Variants in NUP210 observed in about 807,000 individuals in gnomAD.
The protein encoded by NUP210 is nucleoporin 210.
NUP210 carries 151 observed loss-of-function variants against 196.0 expected under a neutral mutation model. The observed-to-expected ratio is 0.77, with a 90% confidence interval of 0.67 to 0.88. The LOEUF is 0.88. Ranked by LOEUF, NUP210 falls within the 40% of genes least tolerant of loss-of-function variation. NUP210 has a pLI of 0.00. For missense variants in NUP210, 2,314 were observed against 2,493.7 expected (o/e 0.93, Z 1.53); for synonymous variants, 1,070 against 1,052.7 (o/e 1.02, Z -0.32).
At chr3:13,370,573 G>A (rs4684932) in intron 13 of NUP210, among the ~76,000 whole-genome samples, 88,615 of 152,042 alleles carry the variant, frequency 0.58, 27,069 homozygotes, top group African/African-American at 0.77. Context: ...GGCAGGCAGT[G>A]CAGGGGAGTG....
intron 1 of NUP210, among the ~76,000 whole-genome samples, chr3:13,401,696 G>A (rs561595325): frequency 2.8e-4 from 43 of 152,204 alleles, no homozygotes; most frequent in Admixed American, 2.4e-3. Flanking sequence ...AGTGCCCTAC[G>A]GTGTTTTTCG....
rs1439950153 is a variant in NUP210 at position 13,379,837 on chromosome 3, T to C, written c.818-116A>G. On this transcript the variant is annotated intron_variant, in intron 6 of 39. Transcript: ENST00000254508. This position sits in a 1 kb window ranked among gnomAD's most constrained non-coding sequence, Gnocchi z 4.2. ...CTCTGCACTCTGCTCTCAGTACAGC[T>C]GACGCATTTTCTTAATTGTTTTCAG... 2.5e-6 allele frequency: 2 copies of C among 791,542 alleles called. No individual in the cohort carries two copies. The highest frequency in any genetic ancestry group is 3.8e-6 in the Non-Finnish European group (2 of 525,970). 49.0% of individuals were successfully genotyped at this position (791,542 alleles called of 1,614,324 possible). A position where few individuals can be genotyped will look rare whatever the true frequency, so the allele number is the denominator to read the frequency against.
At chr3:13,353,782 CTA>C in intron 17 of NUP210, 122 bp from the exon 18 acceptor site, 1 of 1,228,706 alleles carries the variant, frequency 8.1e-7, no homozygotes, top group Non-Finnish European at 1.2e-6. Context: ...TGTGTTGAAA[CTA>C]TGTGGATTGT....
intron 1 of NUP210, among the ~76,000 whole-genome samples, chr3:13,406,371 G>C (rs1308172017): frequency 3.9e-5 from 6 of 152,214 alleles, no homozygotes; most frequent in African/African-American, 9.6e-5. Flanking sequence ...GTGAGGAACA[G>C]AGGAACCACT....
At chr3:13,343,895 T>G (rs957912003) in intron 20 of NUP210, among the ~76,000 whole-genome samples, 2 of 152,228 alleles carry the variant, frequency 1.3e-5, no homozygotes, top group African/African-American at 4.8e-5. Flanking sequence ...GCCACCCCAG[T>G]GTGAGCTATG....
rs1030191487 is a variant in NUP210 at position 13,340,618 on chromosome 3, C to T, written c.3229-320G>A. Among the ~76,000 whole-genome samples the T allele has an allele frequency of 2.0e-5, 3 of 152,172 alleles. No individual in the cohort carries two copies. The East Asian group carries it at 5.8e-4, about 29-fold the overall frequency. On this transcript the variant is annotated intron_variant, in intron 23 of 39. Transcript: ENST00000254508. This position sits in a 1 kb window ranked among gnomAD's most constrained non-coding sequence, Gnocchi z 4.0. ...CAGTTGAGCCATCCCCTTAGAGCAGCGGTTCTCAGTGTGTGGTCACTAAGC... is the reference window on the plus strand; with the variant it reads ...CAGTTGAGCCATCCCCTTAGAGCAGTGGTTCTCAGTGTGTGGTCACTAAGC...
intron 25 of NUP210, among the ~76,000 whole-genome samples, chr3:13,338,148 C>T (rs1471328939): frequency 6.6e-6 from 1 of 152,236 alleles, no homozygotes; most frequent in Admixed American, 6.5e-5. Flanking sequence ...CAACCCAGTC[C>T]CCTGAGGCTG....
chr3:13,344,792 G>A, intron 20 of NUP210: 1 of 277,964 alleles, frequency 3.6e-6, no homozygotes, highest in Non-Finnish European at 5.5e-6. Context: ...CATACAGACA[G>A]CTTGCTGCTG....
At chr3:13,338,944 G>A (rs1413486526) in intron 25 of NUP210, among the ~76,000 whole-genome samples, 7 of 151,896 alleles carry the variant, frequency 4.6e-5, no homozygotes, top group Admixed American at 1.3e-4. Flanking sequence ...CTTTACCTAC[G>A]CCCTCAGGAG....
chr3:13,399,711 C>T lies in NUP210; in HGVS notation c.304+14G>A. 6.2e-7 allele frequency: 1 copy of T among 1,614,050 alleles called. No homozygotes were observed. Among genetic ancestry groups the T allele is most frequent in the African/African-American group, 1.3e-5 (1 of 75,014 alleles). On this transcript the variant is annotated intron_variant, in intron 2 of 39. Coordinates refer to ENST00000254508, the MANE Select transcript of NUP210 (RefSeq NM_024923.4). ...GGCTCCCACCGGGGATCACACACAG[C>T]ACTCAGCCCTTACTGATGTCCTCTG...
At chr3:13,322,077 C>A (rs945965559) in intron 35 of NUP210, 116 bp downstream of exon 35, 32 of 1,334,696 alleles carry the variant, frequency 2.4e-5, no homozygotes, top group South Asian at 5.3e-5. Flanking sequence ...GGGCTCCTGA[C>A]AATCTCTGCC....
At position 13,375,512 on chromosome 3, in the gene NUP210, T is replaced by G. The variant is rs376559994; in HGVS notation, c.1423A>C (p.Thr475Pro). 1.2e-6 allele frequency: 2 copies of G among 1,614,132 alleles called. No individual in the cohort carries two copies. The highest frequency in any genetic ancestry group is 1.7e-6 in the Non-Finnish European group (2 of 1,180,002). The change falls in exon 11 of 40, where the codon ACA (threonine) becomes CCA (proline). Residue 475 changes from threonine to proline, a missense_variant. By Grantham distance (38) the Thr-to-Pro change is conservative. Transcript: ENST00000254508. ...WQPKTGAYQY[T>P]IRAHGGSGNF... ...TGAGGGGTCTCACGTACCCTTATTG[T>G]GTACTGATAGGCGCCCGTCTTTGGT... is the stretch of plus-strand genomic sequence containing the variant.
At chr3:13,413,469 CA>C (rs57651766) in intron 1 of NUP210, among the ~76,000 whole-genome samples, 18 of 137,254 alleles carry the variant, frequency 1.3e-4, no homozygotes, top group South Asian at 2.3e-4. Flanking sequence ...GACTCTGTCT[CA>C]AAAAAAAAAA....
intron 37 of NUP210, among the ~76,000 whole-genome samples, 187 bp downstream of exon 37, chr3:13,319,576 C>T (rs1450685517): frequency 6.6e-6 from 1 of 152,196 alleles, no homozygotes; most frequent in Admixed American, 6.5e-5. Flanking sequence ...ATGTTGAGAA[C>T]AGATGGGAAA....
chr3:13,384,341 G>C (rs1008920465), intron 6 of NUP210, among the ~76,000 whole-genome samples: 1 of 152,202 alleles, frequency 6.6e-6, no homozygotes, highest in Admixed American at 6.5e-5. Flanking sequence ...GATCCTACAG[G>C]GGTGATTAAG....
rs759651985 is a variant in NUP210, at chr3:13,379,646, C to T, written c.893G>A (p.Arg298Gln). The T allele has an allele frequency of 1.2e-5, 20 of 1,613,902 alleles. No homozygotes were observed. The highest frequency in any genetic ancestry group is 5.3e-5 in the African/African-American group (4 of 74,902). ...GTCCTGGGCCAAGACAGCCACCGGC[C>T]GGGCTGGGTCTCCTTCGGGGCCCGG... ...SIPGPEGDPARPVAVLAQDTS... is the reference protein window; with the variant it reads ...SIPGPEGDPAQPVAVLAQDTS... The change falls in exon 7 of 40, where the codon CGG becomes CAG. Residue 298 changes from arginine (R) to glutamine (Q), a missense_variant. Transcript: ENST00000254508. This position sits in a 1 kb window ranked among gnomAD's most constrained non-coding sequence, Gnocchi z 4.2.
chr3:13,391,128 G>T, intron 4 of NUP210, 83 bp downstream of exon 4: 2 of 922,748 alleles, frequency 2.2e-6, no homozygotes, highest in Non-Finnish European at 3.5e-6. Flanking sequence ...CCAGATGAAA[G>T]CCCCCCGCTG....
intron 14 of NUP210, among the ~76,000 whole-genome samples, chr3:13,365,230 C>A (rs184167520): frequency 6.6e-6 from 1 of 152,344 alleles, no homozygotes; most frequent in East Asian, 1.9e-4. Context: ...CCTTCCTGAG[C>A]CTGCACTACC....
Position 13,388,303 on chromosome 3 carries a change from C to G in NUP210, c.684G>C (p.Lys228Asn), listed in dbSNP as rs1267146617. 1 of 1,604,028 alleles carries G rather than the reference C, an allele frequency of 6.2e-7. No individual in the cohort carries two copies. Among genetic ancestry groups the G allele is most frequent in the African/African-American group, 1.3e-5 (1 of 74,482 alleles). The change falls in exon 5 of 40, where the codon AAG (lysine) becomes AAC (asparagine). Residue 228 changes from lysine to asparagine, a missense_variant and splice_region_variant. Transcript: ENST00000254508. ...LKARIQEAVYKNVRPAEVRLL... is the reference protein window; with the variant it reads ...LKARIQEAVYNNVRPAEVRLL... ...TGACACCCCAGCGCCCCAGGCCCACCTTGTAGACAGCCTCCTGGATGCGAG... is the reference window on the plus strand; with the variant it reads ...TGACACCCCAGCGCCCCAGGCCCACGTTGTAGACAGCCTCCTGGATGCGAG...
Sources: gnomAD v4.1 joint callset for allele counts (sites outside exome capture counted in the v4.1 genomes callset) on GRCh38, gnomAD v4.1.1 for gene constraint, Gnocchi (gnomAD v3.1) non-coding constraint, MANE v1.5 for transcripts, NCBI Gene and HGNC (gene_info 2026-07-23, HGNC 2026-07-21) for gene names.